The following KRTAP4-8 variants were observed in gnomAD, a reference collection of about 807,000 sequenced individuals.
The protein encoded by KRTAP4-8 is keratin associated protein 4-8.
For synonymous variants in KRTAP4-8, 66 were observed against 86.6 expected (o/e 0.76, Z 1.32); for missense variants, 188 against 237.4 (o/e 0.79, Z 1.37).
In KRTAP4-8 at chr17:41,097,967, A is replaced by G. The variant is rs556217318; in HGVS notation, c.118T>C (p.Tyr40His). The G allele has an allele frequency of 6.2e-7, 1 of 1,613,872 alleles. No individual in the cohort carries two copies. The highest frequency in any genetic ancestry group is 8.5e-7 in the Non-Finnish European group (1 of 1,179,872). The part of the protein sequence containing the change: ...CQTTCCRTTC[Y>H]RPSYSVSCCC... Reference sequence around the variant, plus strand: ...CAGGACACACTGTAGCTGGGGCGGTAGCAGGTGGTCCTGCAGCAGGTGGTC... The same window carrying G: ...CAGGACACACTGTAGCTGGGGCGGTGGCAGGTGGTCCTGCAGCAGGTGGTC... The change falls in exon 1 of 1, where the codon TAC (tyrosine) becomes CAC (histidine). Residue 40 changes from tyrosine to histidine, a missense_variant. Transcript: ENST00000333822.
In KRTAP4-8 at chr17:41,097,482, T is replaced by C; in HGVS notation, c.*45A>G. On this transcript the variant is annotated 3_prime_UTR_variant, in exon 1 of 1. Coordinates refer to ENST00000333822, the MANE Select transcript of KRTAP4-8 (RefSeq NM_031960.3). ...ATTCAGCACAGAAGAATGGTCTACA[T>C]TTGTGGACCAGCGGTGAAGGGAGAG... 1 of 1,536,694 alleles carries C rather than the reference T, an allele frequency of 6.5e-7. No homozygotes were observed. Among genetic ancestry groups the C allele is most frequent in the East Asian group, 2.4e-5 (1 of 40,884 alleles).
Position 41,097,437 on chromosome 17 carries a change from C to T in KRTAP4-8, c.*90G>A, listed in dbSNP as rs967251145. ...GTCCACCCTGCTGAATGACATAAAT[C>T]CCACTCCATGTGTCCTAATATTCAG... On this transcript the variant is annotated 3_prime_UTR_variant, in exon 1 of 1. Transcript: ENST00000333822. The T allele has an allele frequency of 3.4e-6, 5 of 1,484,298 alleles. No homozygotes were observed. The highest frequency in any genetic ancestry group is 2.7e-5 in the South Asian group (2 of 73,082). 91.9% of individuals were successfully genotyped at this position (1,484,298 alleles called of 1,614,324 possible).
In KRTAP4-8 at chr17:41,097,173, G is replaced by A. The variant is rs1264478965; in HGVS notation, c.*354C>T. 2 of 340,830 alleles carry A rather than the reference G, an allele frequency of 5.9e-6. No individual in the cohort carries two copies. Among genetic ancestry groups the A allele is most frequent in the Non-Finnish European group, 1.1e-5 (2 of 188,654 alleles). The allele number at this position is 340,830 out of a possible 1,614,324, so 21.1% of individuals were successfully genotyped here. A position where few individuals can be genotyped will look rare whatever the true frequency, so the allele number is the denominator to read the frequency against. On this transcript the variant is annotated 3_prime_UTR_variant, in exon 1 of 1. Transcript: ENST00000333822. ...TGACTGAAAGGCTGACAGACAAATAGTATGTTTGAAAGGGAGATAATGTGT... is the reference window on the plus strand; with the variant it reads ...TGACTGAAAGGCTGACAGACAAATAATATGTTTGAAAGGGAGATAATGTGT...
rs532045741 is a variant in KRTAP4-8, at chr17:41,097,784, G to C, written c.301C>G (p.Arg101Gly). Residue 101 changes from arginine to glycine, a missense_variant, in exon 1 of 1, where the codon CGC (arginine) becomes GGC (glycine). Physicochemically the swap from Arg to Gly is moderately radical, Grantham distance 125. Transcript: ENST00000333822. ...HPSCCISSCCRPSCCVSSCCK... is the reference protein window; with the variant it reads ...HPSCCISSCCGPSCCVSSCCK... Reference sequence around the variant, plus strand: ...CAGCTGGACACACAGCAGCTGGGGCGGCAGCAGCTGGAGATGCAGCAGCTA... The same window carrying C: ...CAGCTGGACACACAGCAGCTGGGGCCGCAGCAGCTGGAGATGCAGCAGCTA... The C allele has an allele frequency of 1.3e-6, 2 of 1,597,822 alleles. No homozygotes were observed. The highest frequency in any genetic ancestry group is 1.7e-5 in the Admixed American group (1 of 57,586).
rs1302120796 is a variant in KRTAP4-8 at position 41,097,672 on chromosome 17, G to A, written c.413C>T (p.Ser138Phe). ...SCSISSCCRP[S>F]CCESSCCRPC... ...GCGGCAGCAGCTGGATTCACAGCAA[G>A]AGGGGCGGCAGCAGCTGGAGATGCT... The change falls in exon 1 of 1, where the codon TCT becomes TTT. Residue 138 changes from serine to phenylalanine, a missense_variant. Transcript: ENST00000333822. 4 of 1,580,968 alleles carry A rather than the reference G, an allele frequency of 2.5e-6. No homozygotes were observed. Among genetic ancestry groups the A allele is most frequent in the South Asian group, 2.2e-5 (2 of 89,342 alleles).
In KRTAP4-8 at chr17:41,098,038, C is replaced by T. The variant is rs1419222319; in HGVS notation, c.47G>A (p.Gly16Asp). 6.2e-7 allele frequency: 1 copy of T among 1,612,760 alleles called. No individual in the cohort carries two copies. Among genetic ancestry groups the T allele is most frequent in the Non-Finnish European group, 8.5e-7 (1 of 1,179,360 alleles). The change falls in exon 1 of 1, where the codon GGC (glycine) becomes GAC (aspartate). Residue 16 changes from glycine to aspartate, a missense_variant. Coordinates refer to ENST00000333822, the MANE Select transcript of KRTAP4-8 (RefSeq NM_031960.3). ...GCAGGTCTCCTGGCAGAGGTCTTGG[C>T]CACAGCCTTGGTCAGAGCACACGGA... ...CGSVCSDQGC[G>D]QDLCQETCCC...
In KRTAP4-8 at chr17:41,098,131, T is replaced by C. The variant is rs555156221; in HGVS notation, c.-47A>G. On this transcript the variant is annotated 5_prime_UTR_variant, in exon 1 of 1. Transcript: ENST00000333822. Reference sequence around the variant, plus strand: ...TATTTGGGTTTCCAAGAGAGTAAAGTTCTTGAGTTTGGAAGTTTCCTGGGT... The same window carrying C: ...TATTTGGGTTTCCAAGAGAGTAAAGCTCTTGAGTTTGGAAGTTTCCTGGGT... The C allele has an allele frequency of 2.8e-5, 43 of 1,534,952 alleles. 1 individual carries two copies. In the African/African-American group the frequency reaches 5.3e-4, roughly 19 times the overall value.
rs1365369751 is a variant in KRTAP4-8, at chr17:41,097,388, T to C, written c.*139A>G. The C allele has an allele frequency of 3.9e-6, 5 of 1,296,204 alleles. No individual in the cohort carries two copies. Among genetic ancestry groups the C allele is most frequent in the Admixed American group, 2.7e-5 (1 of 36,448 alleles). The allele number at this position is 1,296,204 out of a possible 1,614,324, so 80.3% of individuals were successfully genotyped here. The stretch of plus-strand genomic sequence containing the variant: ...TGTTCTCACAGAGTCAGCGGGATGG[T>C]GATGGGCTCATTGGATACATGAGGT... On this transcript the variant is annotated 3_prime_UTR_variant, in exon 1 of 1. Transcript: ENST00000333822.
Position 41,098,103 on chromosome 17 carries a change from A to T in KRTAP4-8, c.-19T>A, listed in dbSNP as rs779968727. On this transcript the variant is annotated 5_prime_UTR_variant, in exon 1 of 1. Transcript: ENST00000333822. ...TGACCATGGTGTCAGAGGGTGAAGGATCTATTTGGGTTTCCAAGAGAGTAA... is the reference window on the plus strand; with the variant it reads ...TGACCATGGTGTCAGAGGGTGAAGGTTCTATTTGGGTTTCCAAGAGAGTAA... 1.9e-5 allele frequency: 30 copies of T among 1,578,902 alleles called. No individual in the cohort carries two copies. Among genetic ancestry groups the T allele is most frequent in the Non-Finnish European group, 2.6e-5 (30 of 1,161,094 alleles).
chr17:41,098,108 T>C lies in KRTAP4-8; in HGVS notation c.-24A>G. On this transcript the variant is annotated 5_prime_UTR_variant, in exon 1 of 1. Transcript: ENST00000333822. Reference sequence around the variant, plus strand: ...ATGGTGTCAGAGGGTGAAGGATCTATTTGGGTTTCCAAGAGAGTAAAGTTC... The same window carrying C: ...ATGGTGTCAGAGGGTGAAGGATCTACTTGGGTTTCCAAGAGAGTAAAGTTC... The C allele has an allele frequency of 6.4e-7, 1 of 1,573,984 alleles. No individual in the cohort carries two copies. The highest frequency in any genetic ancestry group is 8.6e-7 in the Non-Finnish European group (1 of 1,158,302).
Position 41,098,010 on chromosome 17 carries a change from G to A in KRTAP4-8, c.75C>T (p.Cys25=). The change falls in exon 1 of 1, where the codon TGC becomes TGT. Residue 25 remains cysteine, a synonymous_variant. Transcript: ENST00000333822. The part of the protein sequence containing the change: ...CGQDLCQETC[C]CPSCCQTTCC... Reference sequence around the variant, plus strand: ...AGGTGGTCTGACAGCAGCTGGGGCAGCAGCAGGTCTCCTGGCAGAGGTCTT... The same window carrying A: ...AGGTGGTCTGACAGCAGCTGGGGCAACAGCAGGTCTCCTGGCAGAGGTCTT... 3.1e-6 allele frequency: 5 copies of A among 1,614,032 alleles called. No individual in the cohort carries two copies. Among genetic ancestry groups the A allele is most frequent in the African/African-American group, 1.3e-5 (1 of 75,032 alleles).
In KRTAP4-8 at chr17:41,097,721, G is replaced by A; in HGVS notation, c.364C>T (p.Pro122Ser). The change falls in exon 1 of 1, where the codon CCC (proline) becomes TCC (serine). Residue 122 changes from proline to serine, a missense_variant. Transcript: ENST00000333822. ...PQCCQSVCCQ[P>S]NCCRPSCSIS... ...CTGCAGCTGGGGCGGCAGCAGTTGG[G>A]CTGGCAGCACACAGACTGGCAGCAC... 1 of 1,505,512 alleles carries A rather than the reference G, an allele frequency of 6.6e-7. No individual in the cohort carries two copies. The highest frequency in any genetic ancestry group is 1.2e-5 in the South Asian group (1 of 83,872). The allele number at this position is 1,505,512 out of a possible 1,614,324, so 93.3% of individuals were successfully genotyped here.
At position 41,098,109 on chromosome 17, in the gene KRTAP4-8, T is replaced by C. The variant is rs768689869; in HGVS notation, c.-25A>G. The C allele has an allele frequency of 4.4e-6, 7 of 1,573,492 alleles. No homozygotes were observed. The Admixed American group carries it at 7.0e-5, about 16-fold the overall frequency. Reference sequence around the variant, plus strand: ...TGGTGTCAGAGGGTGAAGGATCTATTTGGGTTTCCAAGAGAGTAAAGTTCT... The same window carrying C: ...TGGTGTCAGAGGGTGAAGGATCTATCTGGGTTTCCAAGAGAGTAAAGTTCT... On this transcript the variant is annotated 5_prime_UTR_variant, in exon 1 of 1. Transcript: ENST00000333822.
In KRTAP4-8 at chr17:41,097,521, G is replaced by A; in HGVS notation, c.*6C>T. 6.4e-7 allele frequency: 1 copy of A among 1,558,894 alleles called. No individual in the cohort carries two copies. Among genetic ancestry groups the A allele is most frequent in the East Asian group, 2.4e-5 (1 of 41,596 alleles). On this transcript the variant is annotated 3_prime_UTR_variant, in exon 1 of 1. Transcript: ENST00000333822. Reference sequence around the variant, plus strand: ...GTGAAGGGAGAGATGAGCCAGGGCAGTGGGCTCAGCAGCAAGAGGAGGCGC... The same window carrying A: ...GTGAAGGGAGAGATGAGCCAGGGCAATGGGCTCAGCAGCAAGAGGAGGCGC...
rs1004979716 is a variant in KRTAP4-8, at chr17:41,097,028, G to C, written c.*499C>G. On this transcript the variant is annotated 3_prime_UTR_variant, in exon 1 of 1. Coordinates refer to ENST00000333822, the MANE Select transcript of KRTAP4-8 (RefSeq NM_031960.3). ...CAATATATTTTGTGAACACAATAAAGATAAAGAACTAATAAAATAGAAAAA... is the reference window on the plus strand; with the variant it reads ...CAATATATTTTGTGAACACAATAAACATAAAGAACTAATAAAATAGAAAAA... 4 of 163,276 alleles carry C rather than the reference G, an allele frequency of 2.4e-5. No homozygotes were observed. The highest frequency in any genetic ancestry group is 5.4e-5 in the Non-Finnish European group (4 of 74,726). 10.1% of individuals were successfully genotyped at this position (163,276 alleles called of 1,614,324 possible). A position where few individuals can be genotyped will look rare whatever the true frequency, so the allele number is the denominator to read the frequency against.
Position 41,097,741 on chromosome 17 carries a change from C to G in KRTAP4-8, c.344G>C (p.Cys115Ser). The G allele has an allele frequency of 6.5e-7, 1 of 1,546,162 alleles. No homozygotes were observed. The highest frequency in any genetic ancestry group is 8.9e-7 in the Non-Finnish European group (1 of 1,129,480). ...GTTGGGCTGGCAGCACACAGACTGGCAGCACTGGGGCTTGCAGCAGCTGGA... is the reference window on the plus strand; with the variant it reads ...GTTGGGCTGGCAGCACACAGACTGGGAGCACTGGGGCTTGCAGCAGCTGGA... ...CVSSCCKPQC[C>S]QSVCCQPNCC... is the part of the protein sequence containing the mutation. Residue 115 changes from cysteine to serine, a missense_variant, in exon 1 of 1, where the codon TGC (cysteine) becomes TCC (serine). Cys to Ser is a moderately radical substitution (Grantham distance 112). Coordinates refer to ENST00000333822, the MANE Select transcript of KRTAP4-8 (RefSeq NM_031960.3).
At position 41,097,169 on chromosome 17, in the gene KRTAP4-8, A is replaced by C; in HGVS notation, c.*358T>G. The C allele has an allele frequency of 3.1e-6, 1 of 324,774 alleles. No homozygotes were observed. The allele number at this position is 324,774 out of a possible 1,614,324, so 20.1% of individuals were successfully genotyped here. On this transcript the variant is annotated 3_prime_UTR_variant, in exon 1 of 1. Transcript: ENST00000333822. The stretch of plus-strand genomic sequence containing the variant: ...AGAATGACTGAAAGGCTGACAGACA[A>C]ATAGTATGTTTGAAAGGGAGATAAT...
Position 41,097,470 on chromosome 17 carries a change from G to A in KRTAP4-8, c.*57C>T, listed in dbSNP as rs1235725646. 5.2e-6 allele frequency: 8 copies of A among 1,524,238 alleles called. No homozygotes were observed. Among genetic ancestry groups the A allele is most frequent in the Non-Finnish European group, 2.6e-6 (3 of 1,132,584 alleles). 94.4% of individuals were successfully genotyped at this position (1,524,238 alleles called of 1,614,324 possible). On this transcript the variant is annotated 3_prime_UTR_variant, in exon 1 of 1. Transcript: ENST00000333822. Reference sequence around the variant, plus strand: ...ATGTGTCCTAATATTCAGCACAGAAGAATGGTCTACATTTGTGGACCAGCG... The same window carrying A: ...ATGTGTCCTAATATTCAGCACAGAAAAATGGTCTACATTTGTGGACCAGCG...
At position 41,097,869 on chromosome 17, in the gene KRTAP4-8, G is replaced by GGGGC. The variant is rs2013887766; in HGVS notation, c.215_216insGCCC (p.Ser73ProfsTer22). 1 of 1,510,906 alleles carries GGGGC rather than the reference G, an allele frequency of 6.6e-7. No homozygotes were observed. 93.6% of individuals were successfully genotyped at this position (1,510,906 alleles called of 1,614,324 possible). ...GGCAGCACTGGGGCTTGCAGCAGCTGGACACACAGCAGCTGGGGCGACAGC... is the reference window on the plus strand; with the variant it reads ...GGCAGCACTGGGGCTTGCAGCAGCTGGGGCGACACACAGCAGCTGGGGCGACAGC... On this transcript the variant is annotated frameshift_variant, in exon 1 of 1. Transcript: ENST00000333822. LOFTEE classifies it low-confidence loss of function (END_TRUNC).
Sources: allele counts gnomAD v4.1 joint callset, GRCh38; gene constraint gnomAD v4.1.1; transcripts MANE v1.5; gene names NCBI Gene and HGNC (gene_info 2026-07-23, HGNC 2026-07-21).